CSMD1: variants seen among roughly 807,000 people sequenced by gnomAD.
CSMD1 encodes the protein CUB and Sushi multiple domains 1.
Under a neutral mutation model 417.5 loss-of-function variants are expected in CSMD1, and 213 were observed. That is an observed-to-expected ratio of 0.51 (90% CI 0.46 to 0.57). The LOEUF is 0.57. Ranked by LOEUF, CSMD1 falls within the 20% of genes least tolerant of loss-of-function variation. The pLI, the probability that CSMD1 is intolerant of heterozygous loss-of-function variation, is 0.00. For synonymous variants in CSMD1, 2,862 were observed against 1,736.8 expected, an observed-to-expected ratio of 1.65 and a Z score of -16.11; for missense variants, 6,923 against 4,529.7, an observed-to-expected ratio of 1.53 and a Z score of -15.17.
At chr8:3,756,853 T>C (rs1178193455) in intron 5 of CSMD1, among the ~76,000 whole-genome samples, 1 of 152,082 alleles carries the variant, frequency 6.6e-6, no homozygotes, top group Non-Finnish European at 1.5e-5. Context: ...TGGAGTGCAG[T>C]GGTGCAATCA....
chr8:4,203,645 A>G (rs1035742918), intron 3 of CSMD1, among the ~76,000 whole-genome samples: 16 of 152,124 alleles, frequency 1.1e-4, no homozygotes, highest in African/African-American at 3.9e-4. Context: ...GACACTACAC[A>G]CATTGGAAGT....
intron 3 of CSMD1, among the ~76,000 whole-genome samples, chr8:4,269,129 T>C (rs1451605641): frequency 2.0e-5 from 3 of 152,222 alleles, no homozygotes; most frequent in Admixed American, 2.0e-4. Context: ...TGATCTTGGC[T>C]CACTGAAATC....
chr8:4,616,071 A>G (rs1240833463), intron 2 of CSMD1, among the ~76,000 whole-genome samples: 1 of 152,178 alleles, frequency 6.6e-6, no homozygotes. Context: ...GAGTGTTCTT[A>G]TTTCATAGTG....
chr8:4,048,803 T>C (rs1178828179), intron 3 of CSMD1, among the ~76,000 whole-genome samples: 2 of 152,194 alleles, frequency 1.3e-5, no homozygotes, highest in African/African-American at 4.8e-5. Flanking sequence ...ACAGTATATG[T>C]AGTCACAAGC....
At chr8:4,972,244 C>T (rs1012199345) in intron 1 of CSMD1, among the ~76,000 whole-genome samples, 31 of 151,390 alleles carry the variant, frequency 2.0e-4, no homozygotes, top group African/African-American at 7.6e-4. Context: ...GTCACAAAAC[C>T]ATGGAATGGG....
chr8:4,768,697 T>TA (rs921133562), intron 1 of CSMD1, among the ~76,000 whole-genome samples: 48 of 152,178 alleles, frequency 3.2e-4, no homozygotes, highest in Non-Finnish European at 2.5e-4. Flanking sequence ...CCCAAACACT[T>TA]ACCCGAGGCA....
chr8:3,682,029 C>T (rs1353062849), intron 7 of CSMD1, among the ~76,000 whole-genome samples: 1 of 152,108 alleles, frequency 6.6e-6, no homozygotes, highest in Non-Finnish European at 1.5e-5. Context: ...ACACCTTATA[C>T]AAAAATTAAT....
chr8:3,893,638 T>G (rs1181029185), intron 5 of CSMD1, among the ~76,000 whole-genome samples: 2 of 151,922 alleles, frequency 1.3e-5, no homozygotes, highest in Non-Finnish European at 2.9e-5. Flanking sequence ...GGTGTCTTGC[T>G]CTCAGTTAGG....
chr8:3,461,517 C>T (rs1816502661), intron 12 of CSMD1, among the ~76,000 whole-genome samples: 1 of 152,198 alleles, frequency 6.6e-6, no homozygotes, highest in South Asian at 2.1e-4. Context: ...GAGATCTCTG[C>T]TCCCCGATCT....
At chr8:4,462,986 A>G (rs1799929323) in intron 2 of CSMD1, among the ~76,000 whole-genome samples, 1 of 152,216 alleles carries the variant, frequency 6.6e-6, no homozygotes, top group Admixed American at 6.5e-5. Flanking sequence ...TTTGTATTTC[A>G]AAAAACATTA....
chr8:3,614,815 C>A (rs1205009211), intron 8 of CSMD1, among the ~76,000 whole-genome samples: 1 of 152,170 alleles, frequency 6.6e-6, no homozygotes, highest in African/African-American at 2.4e-5. Flanking sequence ...ACTCTCCATT[C>A]TGGAGACGCT....
At chr8:3,905,611 T>G (rs1808058210) in intron 5 of CSMD1, among the ~76,000 whole-genome samples, 1 of 152,216 alleles carries the variant, frequency 6.6e-6, no homozygotes, top group Non-Finnish European at 1.5e-5. Context: ...TCCACTTCAG[T>G]GTGACTGAAA....
At position 3,409,633 on chromosome 8, in the gene CSMD1, TA is replaced by T. The variant is rs200204075; in HGVS notation, c.1562-29del. 1.0e-4 allele frequency: 152 copies of T among 1,511,528 alleles called. 1 individual carries two copies. In the African/African-American group the frequency reaches 1.3e-3, roughly 13 times the overall value. 93.6% of individuals were successfully genotyped at this position (1,511,528 alleles called of 1,614,324 possible). ...GAAAATGGAAAAACAAATGAACCCT[TA>T]AAAAAACACACACAAGGAATATTTT... On this transcript the variant is annotated intron_variant, in intron 12 of 69. Coordinates refer to ENST00000635120, the MANE Select transcript of CSMD1 (RefSeq NM_033225.6).
At chr8:3,622,624 T>C (rs894176134) in intron 7 of CSMD1, among the ~76,000 whole-genome samples, 2 of 152,232 alleles carry the variant, frequency 1.3e-5, no homozygotes, top group African/African-American at 2.4e-5. Context: ...CAAGCCTGAA[T>C]GGATTGCAGA....
intron 54 of CSMD1, among the ~76,000 whole-genome samples, chr8:2,993,788 T>A (rs143127629): frequency 6.6e-6 from 1 of 152,192 alleles, no homozygotes; most frequent in African/African-American, 2.4e-5. Context: ...TCGGCCCTTA[T>A]GACTTCAATC....
At chr8:4,375,869 C>A (rs571326906) in intron 3 of CSMD1, among the ~76,000 whole-genome samples, 1 of 152,238 alleles carries the variant, frequency 6.6e-6, no homozygotes, top group Non-Finnish European at 1.5e-5. Flanking sequence ...AAGATGTACA[C>A]AACTCCCATC....
chr8:4,367,218 T>A (rs1802126164), intron 3 of CSMD1, among the ~76,000 whole-genome samples: 1 of 152,208 alleles, frequency 6.6e-6, no homozygotes, highest in African/African-American at 2.4e-5. Flanking sequence ...AGTTATTTTT[T>A]GTATGTGGTG....
chr8:3,306,478 G>A (rs745482813), intron 25 of CSMD1, among the ~76,000 whole-genome samples: 1 of 152,158 alleles, frequency 6.6e-6, no homozygotes, highest in Non-Finnish European at 1.5e-5. Context: ...ACTTTGACCT[G>A]TAACTTTTTT....
intron 54 of CSMD1, among the ~76,000 whole-genome samples, chr8:2,993,860 C>T (rs1053059455): frequency 2.0e-5 from 3 of 151,610 alleles, no homozygotes; most frequent in East Asian, 1.9e-4. Flanking sequence ...TTATCGTCAA[C>T]GGTTGTTCTG....
Sources: allele counts gnomAD v4.1 joint callset (sites outside exome capture counted in the v4.1 genomes callset), GRCh38; gene constraint gnomAD v4.1.1; transcripts MANE v1.5; gene names NCBI Gene and HGNC (gene_info 2026-07-23, HGNC 2026-07-21).